EYA1: variants seen among roughly 807,000 people sequenced by gnomAD.
EYA1 encodes the protein EYA transcriptional coactivator and phosphatase 1.
EYA1 carries 16 observed loss-of-function variants against 82.0 expected under a neutral mutation model. That is an observed-to-expected ratio of 0.20 (90% CI 0.13 to 0.30). The LOEUF is 0.30. EYA1 is among the 10% of genes least tolerant of loss of function. EYA1 has a pLI of 1.00. For missense variants in EYA1, 633 were observed against 730.7 expected (o/e 0.87, Z 1.54); for synonymous variants, 261 against 264.4 (o/e 0.99, Z 0.12).
chr8:71,495,102 G>C (rs1326120158), intron 2 of EYA1, among the ~76,000 whole-genome samples: 8 of 151,770 alleles, frequency 5.3e-5, no homozygotes, highest in Non-Finnish European at 1.5e-5. Context: ...AGAAAGAAAA[G>C]AAAAGAAACT....
intron 2 of EYA1, among the ~76,000 whole-genome samples, chr8:71,504,723 T>TA (rs200755153): frequency 0.011 from 1,701 of 151,756 alleles, 17 homozygotes; most frequent in Non-Finnish European, 0.018. Flanking sequence ...CATCTCCATT[T>TA]AAAAAAAAAT....
At chr8:71,497,412 G>A (rs1811494942) in intron 2 of EYA1, among the ~76,000 whole-genome samples, 1 of 152,112 alleles carries the variant, frequency 6.6e-6, no homozygotes, top group Admixed American at 6.5e-5. Flanking sequence ...TTTAAAAATG[G>A]GCAAAGTCCC....
chr8:71,411,944 G>T (rs557544042), intron 2 of EYA1, among the ~76,000 whole-genome samples: 286 of 151,482 alleles, frequency 1.9e-3, no homozygotes, highest in African/African-American at 6.7e-3. Context: ...GTTTATTGCA[G>T]CATTATTCAC....
At chr8:71,443,252 A>G (rs545011864) in intron 2 of EYA1, among the ~76,000 whole-genome samples, 3 of 152,298 alleles carry the variant, frequency 2.0e-5, no homozygotes, top group Admixed American at 6.5e-5. Flanking sequence ...AAAAAAATCT[A>G]TGGCAGAGAC....
intron 2 of EYA1, among the ~76,000 whole-genome samples, chr8:71,435,201 C>T (rs1452717179): frequency 6.6e-6 from 1 of 152,094 alleles, no homozygotes; most frequent in Non-Finnish European, 1.5e-5. Flanking sequence ...ATTATGATTA[C>T]ACTCACATGA....
At chr8:71,510,369 G>A (rs1474354307) in intron 2 of EYA1, among the ~76,000 whole-genome samples, 1 of 152,102 alleles carries the variant, frequency 6.6e-6, no homozygotes, top group Non-Finnish European at 1.5e-5. Context: ...CTGAGATTTT[G>A]AGTTTTTTAT....
At chr8:71,276,416 C>T (rs949686777) in intron 9 of EYA1, among the ~76,000 whole-genome samples, 6 of 152,086 alleles carry the variant, frequency 3.9e-5, no homozygotes, top group Admixed American at 3.3e-4. Flanking sequence ...CTGAGTATCC[C>T]ACTATTTCTA....
chr8:71,438,531 A>C (rs1411393551), intron 2 of EYA1, among the ~76,000 whole-genome samples: 1 of 152,160 alleles, frequency 6.6e-6, no homozygotes, highest in Non-Finnish European at 1.5e-5. Flanking sequence ...TTAAATATTT[A>C]ATAAGATTAC....
chr8:71,489,972 T>C (rs965127159), intron 2 of EYA1, among the ~76,000 whole-genome samples: 2 of 152,108 alleles, frequency 1.3e-5, no homozygotes, highest in African/African-American at 2.4e-5. Flanking sequence ...TGTCATTAGG[T>C]AGGTTTTGAG....
rs182578147 is a variant in EYA1, at chr8:71,454,791, G to C, written c.33+80953C>G. ...AGCAGTGTGTAGAGGGAAATTTACA[G>C]CACTAAATGCCCACAAAAGAAAGCA... On this transcript the variant is annotated intron_variant, in intron 2 of 18. Coordinates refer to the EYA1 transcript ENST00000643681. Among the ~76,000 whole-genome samples, 515 of 152,256 alleles carry C rather than the reference G, an allele frequency of 3.4e-3. 3 individuals are homozygous for C. Among genetic ancestry groups the C allele is most frequent in the African/African-American group, 0.012 (490 of 41,534 alleles).
At chr8:71,240,885 G>A (rs1299074256) in intron 12 of EYA1, among the ~76,000 whole-genome samples, 3 of 152,108 alleles carry the variant, frequency 2.0e-5, no homozygotes, top group Non-Finnish European at 2.9e-5. Context: ...AAAGCTAACA[G>A]AAAGAACTCT....
chr8:71,396,127 C>A (rs4313188), intron 2 of EYA1, among the ~76,000 whole-genome samples: 1 of 151,886 alleles, frequency 6.6e-6, no homozygotes, highest in Non-Finnish European at 1.5e-5. Context: ...TCTGTGGGAT[C>A]GGTGGTGATA....
At chr8:71,204,323 A>G (rs1186022139) in intron 17 of EYA1, 1 of 152,218 alleles carries the variant, frequency 6.6e-6, no homozygotes, top group Non-Finnish European at 1.5e-5. Flanking sequence ...CAACAACCAT[A>G]TAAAAAGCTG....
intron 12 of EYA1, among the ~76,000 whole-genome samples, chr8:71,228,095 C>A (rs1436645853): frequency 6.6e-6 from 1 of 152,102 alleles, no homozygotes; most frequent in Non-Finnish European, 1.5e-5. Context: ...TATGCAGAAC[C>A]GGACATAGGC....
At position 71,299,838 on chromosome 8, in the gene EYA1, T is replaced by C. The variant is rs143055515; in HGVS notation, c.557-118A>G. On this transcript the variant is annotated intron_variant, in intron 7 of 17. Coordinates refer to ENST00000340726, the MANE Select transcript of EYA1 (RefSeq NM_000503.6). The stretch of plus-strand genomic sequence containing the variant: ...TTGGTTTATCTTCGACACTAGAATC[T>C]GTTGTCATGTCTAAAATGTAGTTTT... 104 of 705,844 alleles carry C rather than the reference T, an allele frequency of 1.5e-4. No individual in the cohort carries two copies. In the African/African-American group the frequency reaches 1.7e-3, roughly 12 times the overall value. The allele number at this position is 705,844 out of a possible 1,614,324, so 43.7% of individuals were successfully genotyped here.
At chr8:71,451,515 A>T (rs1229948650) in intron 2 of EYA1, among the ~76,000 whole-genome samples, 1 of 152,206 alleles carries the variant, frequency 6.6e-6, no homozygotes, top group African/African-American at 2.4e-5. Flanking sequence ...TATATGAAAT[A>T]CCAATCTGGT....
chr8:71,357,568 C>T (rs1229443313), intron 1 of EYA1, among the ~76,000 whole-genome samples: 1 of 152,160 alleles, frequency 6.6e-6, no homozygotes, highest in Non-Finnish European at 1.5e-5. Flanking sequence ...CCTGAACTGA[C>T]ATCAATTAGG....
intron 2 of EYA1, among the ~76,000 whole-genome samples, chr8:71,410,841 G>C (rs1276269946): frequency 7.8e-6 from 1 of 128,978 alleles, no homozygotes; most frequent in African/African-American, 2.9e-5. Context: ...TCCCCATCAA[G>C]CTACCAATGA....
intron 2 of EYA1, among the ~76,000 whole-genome samples, chr8:71,423,628 C>A (rs1304002620): frequency 6.6e-6 from 1 of 152,064 alleles, no homozygotes; most frequent in Non-Finnish European, 1.5e-5. Context: ...CATCCACGAC[C>A]GATAAGGGTA....
Sources: gnomAD v4.1 joint callset for allele counts (sites outside exome capture counted in the v4.1 genomes callset) on GRCh38, gnomAD v4.1.1 for gene constraint, MANE v1.5 for transcripts, NCBI Gene and HGNC (gene_info 2026-07-23, HGNC 2026-07-21) for gene names.